The following ARHGAP10 variants were observed in gnomAD, a reference collection of about 807,000 sequenced individuals.
ARHGAP10 encodes rho GTPase-activating protein 10.
Under a neutral mutation model 108.6 loss-of-function variants are expected in ARHGAP10, and 87 were observed. The observed-to-expected ratio is 0.80, with a 90% confidence interval of 0.67 to 0.96. ARHGAP10 has a LOEUF of 0.96. Ranked by LOEUF, ARHGAP10 falls within the 40% of genes least tolerant of loss-of-function variation. ARHGAP10 has a pLI of 0.00. For missense variants in ARHGAP10, 939 were observed against 954.5 expected (o/e 0.98, Z 0.21); for synonymous variants, 347 against 341.1 (o/e 1.02, Z -0.19).
intron 18 of ARHGAP10, among the ~76,000 whole-genome samples, chr4:148,004,236 C>T (rs1319492082): frequency 3.9e-5 from 6 of 152,226 alleles, no homozygotes; most frequent in Non-Finnish European, 8.8e-5. Context: ...TCTCTGCTAT[C>T]AAATACTCTA....
intron 1 of ARHGAP10, among the ~76,000 whole-genome samples, chr4:147,788,031 T>G (rs544936918): frequency 1.3e-5 from 2 of 152,288 alleles, no homozygotes; most frequent in African/African-American, 4.8e-5. Context: ...ACTTTAGGAT[T>G]TATCATCGGT....
chr4:147,881,901 A>C lies in ARHGAP10; in HGVS notation c.1003A>C (p.Arg335=), dbSNP rs1185852616. The C allele has an allele frequency of 1.2e-6, 2 of 1,614,014 alleles. No homozygotes were observed. The highest frequency in any genetic ancestry group is 1.7e-6 in the Non-Finnish European group (2 of 1,180,002). ...TKRHTDSIDR[R]FCFDIEAADR... The stretch of plus-strand genomic sequence containing the variant: ...GAGGCATACTGACTCCATTGACAGA[A>C]GGTTTTGTTTTGACATAGAAGCTGC... The change falls in exon 10 of 23, where the codon AGG becomes CGG. Residue 335 remains arginine, a synonymous_variant. Transcript: ENST00000336498.
intron 12 of ARHGAP10, among the ~76,000 whole-genome samples, chr4:147,910,303 G>C (rs116563052): frequency 4.6e-5 from 7 of 151,674 alleles, no homozygotes; most frequent in Admixed American, 4.6e-4. Flanking sequence ...GATTACAGGC[G>C]TGAGTCACCT....
intron 1 of ARHGAP10, among the ~76,000 whole-genome samples, chr4:147,766,770 G>T: frequency 7.2e-6 from 1 of 139,396 alleles, no homozygotes; most frequent in African/African-American, 2.8e-5. Flanking sequence ...TATATATTTT[G>T]AGCTCATATA....
intron 1 of ARHGAP10, among the ~76,000 whole-genome samples, chr4:147,784,550 ATATT>A (rs1347523567): frequency 2.6e-5 from 3 of 116,970 alleles, no homozygotes; most frequent in Admixed American, 2.1e-4. Flanking sequence ...TTTATAGTAT[ATATT>A]ATATATATTA....
intron 15 of ARHGAP10, among the ~76,000 whole-genome samples, chr4:147,949,952 A>G (rs976855926): frequency 6.6e-6 from 1 of 151,914 alleles, no homozygotes; most frequent in Admixed American, 6.6e-5. Context: ...TTGGATCTTG[A>G]TATTCTCGGA....
intron 10 of ARHGAP10, among the ~76,000 whole-genome samples, chr4:147,902,009 T>C (rs2126901722): frequency 6.6e-6 from 1 of 152,346 alleles, no homozygotes; most frequent in Middle Eastern, 3.4e-3. Context: ...GGTCCTTACT[T>C]GCTGCAGTGG....
chr4:147,990,401 G>C (rs1440467678), intron 18 of ARHGAP10, among the ~76,000 whole-genome samples: 1 of 152,202 alleles, frequency 6.6e-6, no homozygotes, highest in Non-Finnish European at 1.5e-5. Context: ...ACTGGGGCAT[G>C]ACAGTTCTAG....
chr4:147,874,872 C>A, intron 7 of ARHGAP10, 149 bp from the exon 8 acceptor site: 1 of 766,076 alleles, frequency 1.3e-6, no homozygotes, highest in South Asian at 3.6e-5. Flanking sequence ...AGGAGGCACA[C>A]TGGAAAGAAT....
At chr4:147,946,193 C>T (rs141325679) in intron 14 of ARHGAP10, 269 of 156,134 alleles carry the variant, frequency 1.7e-3, no homozygotes, top group African/African-American at 6.3e-3. Flanking sequence ...CTGCCTCTAT[C>T]AATACACAGT....
chr4:147,798,781 CTATATATATATATATA>C lies in ARHGAP10; in HGVS notation c.155-23925_155-23910del, dbSNP rs201269477. 2.9e-3 allele frequency among the ~76,000 whole-genome samples: 21 copies of C among 7,236 alleles called. 2 individuals are homozygous for C. Among genetic ancestry groups the C allele is most frequent in the Admixed American group, 3.3e-3 (2 of 602 alleles). 4.7% of individuals were successfully genotyped at this position (7,236 alleles called of 152,430 possible). ...TCTCTCTCTCTCTCTCTCTCTCTCT[CTATATATATATATATA>C]TATATATATATATATATATAGACTT... On this transcript the variant is annotated intron_variant, in intron 1 of 22. Coordinates refer to ENST00000336498, the MANE Select transcript of ARHGAP10 (RefSeq NM_024605.4).
At chr4:147,882,889 T>G (rs928806841) in intron 10 of ARHGAP10, among the ~76,000 whole-genome samples, 1 of 152,216 alleles carries the variant, frequency 6.6e-6, no homozygotes, top group Non-Finnish European at 1.5e-5. Flanking sequence ...GACAGTACAG[T>G]GATTCCTTGC....
Position 147,887,974 on chromosome 4 carries a change from C to T in ARHGAP10, c.1034+6042C>T, listed in dbSNP as rs376373792. On this transcript the variant is annotated intron_variant, in intron 10 of 22. Coordinates refer to ENST00000336498, the MANE Select transcript of ARHGAP10 (RefSeq NM_024605.4). ...AGTTTTTGTTGAAGCCATCAGTGGT[C>T]TCCCTGTTGCTGTGCCTGGTGGTCG... Among the ~76,000 whole-genome samples the T allele has an allele frequency of 2.6e-4, 40 of 152,130 alleles. No homozygotes were observed. The South Asian group carries it at 7.9e-3, about 30-fold the overall frequency.
chr4:147,799,553 C>G (rs944971194), intron 1 of ARHGAP10, among the ~76,000 whole-genome samples: 2 of 152,100 alleles, frequency 1.3e-5, no homozygotes, highest in Admixed American at 1.3e-4. Flanking sequence ...ATTCTGTTGT[C>G]TTTCCTCAAG....
chr4:147,983,209 A>G (rs1739898429), intron 18 of ARHGAP10, among the ~76,000 whole-genome samples: 1 of 131,094 alleles, frequency 7.6e-6, no homozygotes, highest in Non-Finnish European at 1.6e-5. Context: ...TTTTTGAAGC[A>G]GAGTCTCACT....
intron 14 of ARHGAP10, among the ~76,000 whole-genome samples, chr4:147,944,401 A>G (rs1420510106): frequency 1.3e-5 from 2 of 152,226 alleles, no homozygotes; most frequent in African/African-American, 2.4e-5. Context: ...AGTGCTTTAA[A>G]AGTCTTCAGA....
intron 4 of ARHGAP10, chr4:147,854,580 A>T (rs769678545): frequency 1.2e-5 from 5 of 410,824 alleles, no homozygotes; most frequent in Admixed American, 6.5e-5. Context: ...ACATTTATAT[A>T]TTTTTTTCTG....
intron 1 of ARHGAP10, among the ~76,000 whole-genome samples, chr4:147,797,068 TC>T (rs978220097): frequency 9.2e-5 from 14 of 152,202 alleles, no homozygotes; most frequent in African/African-American, 3.1e-4. Flanking sequence ...GTTTGAAGCA[TC>T]CGGCCTGGAG....
intron 1 of ARHGAP10, among the ~76,000 whole-genome samples, chr4:147,819,737 C>G (rs12510691): frequency 6.6e-6 from 1 of 151,770 alleles, no homozygotes; most frequent in African/African-American, 2.4e-5. Flanking sequence ...TTTTGTATTT[C>G]TAGTAGAGAT....
Sources: gnomAD v4.1 joint callset for allele counts (sites outside exome capture counted in the v4.1 genomes callset) on GRCh38, gnomAD v4.1.1 for gene constraint, MANE v1.5 for transcripts, NCBI Gene and HGNC (gene_info 2026-07-23, HGNC 2026-07-21) for gene names.